Variants in PARD3B observed in about 807,000 individuals in gnomAD.
PARD3B encodes partitioning defective 3 homolog B.
A neutral mutation model predicts 130.2 loss-of-function variants in PARD3B; 103 were observed. The observed-to-expected ratio is 0.79, with a 90% CI of 0.67 to 0.93. The LOEUF is 0.93. Among genes scored for constraint, PARD3B ranks in the 40% least tolerant of loss-of-function variants. The pLI, the probability that PARD3B is intolerant of heterozygous loss-of-function variation, is 0.00. For missense variants in PARD3B, 1,609 were observed against 1,499.2 expected (o/e 1.07, Z -1.21); for synonymous variants, 583 against 553.2 (o/e 1.05, Z -0.76).
rs142069509 is a variant in PARD3B at position 205,435,050 on chromosome 2, CT to C, written c.2742-5319del. On this transcript the variant is annotated intron_variant, in intron 19 of 22. Coordinates refer to ENST00000406610, the MANE Select transcript of PARD3B (RefSeq NM_001302769.2). ...ATACCCATACCTGCACATGTACCCC[CT>C]GTACTGAAAATTAAGTTAAATTTAT... 3.0e-3 allele frequency among the ~76,000 whole-genome samples: 454 copies of C among 152,048 alleles called. 1 individual carries two copies. Among genetic ancestry groups the C allele is most frequent in the African/African-American group, 9.8e-3 (406 of 41,498 alleles).
intron 4 of PARD3B, among the ~76,000 whole-genome samples, chr2:205,076,262 A>G (rs981624087): frequency 2.6e-5 from 4 of 152,220 alleles, no homozygotes; most frequent in African/African-American, 9.6e-5. Context: ...AGTCAAAAGT[A>G]TTGGTCACCA....
At chr2:204,621,170 T>C (rs535566598) in intron 1 of PARD3B, among the ~76,000 whole-genome samples, 24 of 152,276 alleles carry the variant, frequency 1.6e-4, no homozygotes, top group African/African-American at 5.1e-4. Context: ...AATGTTACCA[T>C]CTCATGGATA....
intron 18 of PARD3B, among the ~76,000 whole-genome samples, chr2:205,303,729 A>T (rs928818041): frequency 7.9e-5 from 12 of 152,156 alleles, no homozygotes; most frequent in Non-Finnish European, 1.3e-4. Flanking sequence ...ATGCATGGGG[A>T]AGGGAGGAGG....
chr2:204,792,879 A>T (rs768667126), intron 2 of PARD3B, among the ~76,000 whole-genome samples: 4 of 151,936 alleles, frequency 2.6e-5, no homozygotes, highest in Non-Finnish European at 5.9e-5. Context: ...GGGTTACTGA[A>T]CATAATAATA....
intron 18 of PARD3B, among the ~76,000 whole-genome samples, chr2:205,376,186 A>C (rs1011098746): frequency 1.1e-4 from 16 of 152,160 alleles, no homozygotes; most frequent in Admixed American, 1.0e-3. Flanking sequence ...ACAGATGAAA[A>C]AACAGGTTTG....
At chr2:205,362,306 A>G (rs10490291) in intron 18 of PARD3B, among the ~76,000 whole-genome samples, 91,262 of 152,128 alleles carry the variant, frequency 0.6, 30,671 homozygotes, top group South Asian at 0.77. Context: ...TTTCCATTGT[A>G]CTTACAGCTA....
chr2:205,197,187 T>A (rs2036746145), intron 15 of PARD3B, among the ~76,000 whole-genome samples: 1 of 152,068 alleles, frequency 6.6e-6, no homozygotes, highest in Admixed American at 6.6e-5. Context: ...TTCCTAAAAG[T>A]TTTTTGATTA....
At chr2:205,118,874 G>T in intron 6 of PARD3B, 47 bp from the exon 7 acceptor site, 1 of 1,252,188 alleles carries the variant, frequency 8.0e-7, no homozygotes, top group Non-Finnish European at 1.1e-6. Flanking sequence ...GAAATAATTA[G>T]CATTTATTAT....
At chr2:204,813,225 T>G (rs2043026501) in intron 2 of PARD3B, among the ~76,000 whole-genome samples, 1 of 152,188 alleles carries the variant, frequency 6.6e-6, no homozygotes, top group South Asian at 2.1e-4. Context: ...TAGTTAATCT[T>G]TTTAATTTTA....
intron 11 of PARD3B, 122 bp from the exon 12 acceptor site, chr2:205,172,089 C>A: frequency 2.1e-6 from 2 of 951,668 alleles, no homozygotes; most frequent in Non-Finnish European, 3.1e-6. Context: ...TAAATCACTT[C>A]TAACAGCTAG....
At chr2:204,655,464 C>T (rs79338278) in intron 1 of PARD3B, among the ~76,000 whole-genome samples, 4,393 of 152,166 alleles carry the variant, frequency 0.029, 167 homozygotes, top group East Asian at 0.13. Flanking sequence ...ACTGCTGTTA[C>T]GCAAGTGCCA....
chr2:205,581,495 G>A (rs2053987784), intron 22 of PARD3B, among the ~76,000 whole-genome samples: 1 of 144,654 alleles, frequency 6.9e-6, no homozygotes, highest in Non-Finnish European at 1.5e-5. Context: ...ATTCCACATG[G>A]TGCACAAGGA....
At chr2:204,702,180 A>G (rs1231531649) in intron 2 of PARD3B, among the ~76,000 whole-genome samples, 10 of 152,142 alleles carry the variant, frequency 6.6e-5, no homozygotes. Context: ...TGTCTTTGCT[A>G]CTGTGAATAG....
intron 22 of PARD3B, among the ~76,000 whole-genome samples, chr2:205,613,138 C>G (rs1452530229): frequency 6.6e-6 from 1 of 152,230 alleles, no homozygotes; most frequent in African/African-American, 2.4e-5. Context: ...TCCTTTCTCT[C>G]TTTCCATTTT....
intron 2 of PARD3B, among the ~76,000 whole-genome samples, chr2:204,862,921 A>G (rs377171176): frequency 6.6e-6 from 1 of 152,332 alleles, no homozygotes; most frequent in Non-Finnish European, 1.5e-5. Flanking sequence ...ATTGAATCCC[A>G]GTTCACCACC....
intron 22 of PARD3B, among the ~76,000 whole-genome samples, chr2:205,612,176 A>G (rs2055255329): frequency 6.6e-6 from 1 of 151,816 alleles, no homozygotes; most frequent in Non-Finnish European, 1.5e-5. Context: ...TTCTTGAGAC[A>G]GAGTCTCTTT....
At chr2:205,185,214 T>G (rs2036025281) in intron 13 of PARD3B, among the ~76,000 whole-genome samples, 1 of 151,896 alleles carries the variant, frequency 6.6e-6, no homozygotes, top group Admixed American at 6.6e-5. Context: ...TAAACTCAGA[T>G]GTCTCCATTA....
intron 2 of PARD3B, among the ~76,000 whole-genome samples, chr2:204,793,715 G>C (rs1018574796): frequency 6.6e-6 from 1 of 151,956 alleles, no homozygotes; most frequent in African/African-American, 2.4e-5. Context: ...CACTGTGTTG[G>C]CCAGGCTGGT....
At chr2:204,990,947 A>G (rs1053411106) in intron 3 of PARD3B, among the ~76,000 whole-genome samples, 7 of 152,222 alleles carry the variant, frequency 4.6e-5, no homozygotes, top group African/African-American at 1.4e-4. Context: ...ATTGTCAGGC[A>G]TCATTTATTA....
Sources: gnomAD v4.1 joint callset for allele counts (sites outside exome capture counted in the v4.1 genomes callset) on GRCh38, gnomAD v4.1.1 for gene constraint, MANE v1.5 for transcripts, NCBI Gene and HGNC (gene_info 2026-07-23, HGNC 2026-07-21) for gene names.